The following KATNAL1 variants were observed in gnomAD, a reference collection of about 807,000 sequenced individuals.
KATNAL1 encodes the protein katanin catalytic subunit A1 like 1, also known as katanin p60 ATPase-containing subunit A-like 1.
Under a neutral mutation model 55.2 loss-of-function variants are expected in KATNAL1, and 32 were observed. That is an observed-to-expected ratio of 0.58 (90% CI 0.44 to 0.78). The LOEUF (loss-of-function observed/expected upper bound fraction) is 0.78. Ranked by LOEUF, KATNAL1 falls within the 30% of genes least tolerant of loss-of-function variation. The pLI, the probability that KATNAL1 is intolerant of heterozygous loss-of-function variation, is 0.00. For synonymous variants in KATNAL1, 193 were observed against 193.6 expected, an observed-to-expected ratio of 1.00 and a Z score of 0.02; for missense variants, 466 against 600.9, an observed-to-expected ratio of 0.78 and a Z score of 2.35.
intron 3 of KATNAL1, among the ~76,000 whole-genome samples, chr13:30,270,116 G>GGT (rs1325528719): frequency 7.3e-6 from 1 of 136,574 alleles, no homozygotes; most frequent in African/African-American, 2.5e-5. Context: ...CCGTCCGGGA[G>GGT]GTGAGGGGCG....
chr13:30,210,244 ATTGACT>A (rs1873547007), intron 10 of KATNAL1, 66 bp downstream of exon 10: 1 of 1,341,654 alleles, frequency 7.5e-7, no homozygotes, highest in Non-Finnish European at 1.0e-6. Flanking sequence ...GGCTAACTAC[ATTGACT>A]TTAAGACCAG....
intron 4 of KATNAL1, among the ~76,000 whole-genome samples, chr13:30,243,935 T>C (rs1288953636): frequency 6.6e-6 from 1 of 152,154 alleles, no homozygotes; most frequent in African/African-American, 2.4e-5. Flanking sequence ...TTATTTTTCT[T>C]TTTTTTAAAT....
In KATNAL1 at chr13:30,255,210, C is replaced by CCATT. The variant is rs553963675; in HGVS notation, c.492+233_492+236dup. The stretch of plus-strand genomic sequence containing the variant: ...AGCCGTATTTTTTCTTACAAGGGAT[C>CCATT]CATTTCACTAAATATTTTTATACAT... On this transcript the variant is annotated intron_variant, in intron 4 of 10. Transcript: ENST00000380615. Among the ~76,000 whole-genome samples the CCATT allele has an allele frequency of 1.1e-4, 17 of 152,156 alleles. No homozygotes were observed. The East Asian group carries it at 3.1e-3, about 28-fold the overall frequency.
chr13:30,242,761 T>C (rs1877405305), intron 4 of KATNAL1, among the ~76,000 whole-genome samples: 1 of 152,008 alleles, frequency 6.6e-6, no homozygotes, highest in African/African-American at 2.4e-5. Flanking sequence ...ACCCAAAGTT[T>C]CTCAGTGGTA....
chr13:30,254,846 T>C (rs1258217112), intron 4 of KATNAL1, among the ~76,000 whole-genome samples: 1 of 152,220 alleles, frequency 6.6e-6, no homozygotes. Flanking sequence ...CTCCTTAATC[T>C]GTAAGATTAT....
At chr13:30,250,797 G>A (rs1279212236) in intron 4 of KATNAL1, among the ~76,000 whole-genome samples, 1 of 152,182 alleles carries the variant, frequency 6.6e-6, no homozygotes, top group Non-Finnish European at 1.5e-5. Flanking sequence ...ATGAGATAAT[G>A]GAAGTACTGC....
intron 1 of KATNAL1, among the ~76,000 whole-genome samples, chr13:30,291,552 A>C (rs185821425): frequency 6.6e-6 from 1 of 152,328 alleles, no homozygotes; most frequent in East Asian, 1.9e-4. Context: ...TTTTTAGGAA[A>C]AATTGACAAG....
At chr13:30,296,936 G>A (rs372357321) in intron 1 of KATNAL1, among the ~76,000 whole-genome samples, 11 of 151,886 alleles carry the variant, frequency 7.2e-5, no homozygotes, top group Non-Finnish European at 8.8e-5. Flanking sequence ...GCCCACTCCC[G>A]AGCCCGCCCA....
At chr13:30,303,944 T>C (rs569874965) in intron 1 of KATNAL1, among the ~76,000 whole-genome samples, 1 of 152,360 alleles carries the variant, frequency 6.6e-6, no homozygotes, top group South Asian at 2.1e-4. Context: ...CAGACAGAAC[T>C]GGCAGTCCTG....
At chr13:30,248,269 C>T (rs1026461954) in intron 4 of KATNAL1, among the ~76,000 whole-genome samples, 2 of 152,118 alleles carry the variant, frequency 1.3e-5, no homozygotes, top group African/African-American at 2.4e-5. Flanking sequence ...AAAAAAACAA[C>T]GGTGGGTGAG....
intron 3 of KATNAL1, among the ~76,000 whole-genome samples, chr13:30,270,265 C>G (rs1051232466): frequency 4.2e-5 from 6 of 142,630 alleles, no homozygotes; most frequent in East Asian, 2.2e-4. Context: ...GTCAGCCCCC[C>G]CGCCCGGCCA....
At chr13:30,289,736 G>A (rs893761484) in intron 1 of KATNAL1, among the ~76,000 whole-genome samples, 44 of 152,054 alleles carry the variant, frequency 2.9e-4, no homozygotes, top group African/African-American at 1.1e-3. Flanking sequence ...TTGACATGAT[G>A]TGTATGCATT....
intron 1 of KATNAL1, among the ~76,000 whole-genome samples, chr13:30,297,906 T>G (rs764522569): frequency 3.3e-5 from 5 of 152,176 alleles, no homozygotes; most frequent in Admixed American, 6.5e-5. Flanking sequence ...AACTATCTTT[T>G]GGCTACTACA....
At position 30,248,891 on chromosome 13, in the gene KATNAL1, C is replaced by T. The variant is rs1298920796; in HGVS notation, c.492+6556G>A. Among the ~76,000 whole-genome samples, 4 of 152,258 alleles carry T rather than the reference C, an allele frequency of 2.6e-5. No homozygotes were observed. The South Asian group carries it at 8.3e-4, about 32-fold the overall frequency. ...TGGCTAACACAGTGAAACCCCATCT[C>T]TACCAAAAATACAAAAAATTAGCCG... On this transcript the variant is annotated intron_variant, in intron 4 of 10. Transcript: ENST00000380615.
At chr13:30,281,363 T>C (rs1013699337) in intron 2 of KATNAL1, among the ~76,000 whole-genome samples, 2 of 152,122 alleles carry the variant, frequency 1.3e-5, no homozygotes, top group Admixed American at 6.6e-5. Context: ...GTGGAAGAAA[T>C]GTAATTTCAG....
chr13:30,269,616 A>G (rs1375214959), intron 3 of KATNAL1, among the ~76,000 whole-genome samples: 2 of 144,040 alleles, frequency 1.4e-5, no homozygotes, highest in African/African-American at 2.6e-5. Flanking sequence ...CATCCCATCT[A>G]GGAAGTGAGG....
chr13:30,217,476 C>T (rs1229606853), intron 9 of KATNAL1, among the ~76,000 whole-genome samples: 3 of 152,086 alleles, frequency 2.0e-5, no homozygotes, highest in African/African-American at 4.8e-5. Flanking sequence ...AATTGATATT[C>T]AATAAGCTTG....
intron 9 of KATNAL1, among the ~76,000 whole-genome samples, chr13:30,213,641 T>C (rs1389241289): frequency 6.6e-6 from 1 of 152,148 alleles, no homozygotes; most frequent in East Asian, 1.9e-4. Context: ...ATAAATGTAA[T>C]CCAGCATATA....
rs1877179302 is a variant in KATNAL1 at position 30,240,684 on chromosome 13, C to T, written c.621-119G>A. ...TTATTCTCATAGTAAGAACATTATT[C>T]TAATTCTTACTGCATAAAAAGATCA... On this transcript the variant is annotated intron_variant, in intron 5 of 10. Transcript: ENST00000380615. 7.0e-6 allele frequency: 5 copies of T among 711,170 alleles called. No individual in the cohort carries two copies. The South Asian group carries it at 1.0e-4, about 14-fold the overall frequency. 44.1% of individuals were successfully genotyped at this position (711,170 alleles called of 1,614,324 possible).
Sources: gnomAD v4.1 joint callset for allele counts (sites outside exome capture counted in the v4.1 genomes callset) on GRCh38, gnomAD v4.1.1 for gene constraint, MANE v1.5 for transcripts, NCBI Gene and HGNC (gene_info 2026-07-23, HGNC 2026-07-21) for gene names.